Variants in HAPLN1 observed in about 807,000 individuals in gnomAD.
HAPLN1 encodes the protein Cartilage link protein.
In HAPLN1, 13 loss-of-function variants were observed where a neutral mutation model predicts 36.5. The ratio of observed to expected loss-of-function variants is 0.36; its 90% CI spans 0.23 to 0.57. The LOEUF is 0.57. Ranked by LOEUF, HAPLN1 falls within the 20% of genes least tolerant of loss-of-function variation. HAPLN1 has a pLI of 0.83. For missense variants in HAPLN1, 407 were observed against 439.7 expected (o/e 0.93, Z 0.66); for synonymous variants, 202 against 169.8 (o/e 1.19, Z -1.48).
At chr5:83,694,569 C>T (rs1439603370) in intron 1 of HAPLN1, among the ~76,000 whole-genome samples, 1 of 151,752 alleles carries the variant, frequency 6.6e-6, no homozygotes, top group African/African-American at 2.4e-5. Flanking sequence ...TAGATAATAT[C>T]TATCAATTCT....
intron 2 of HAPLN1, among the ~76,000 whole-genome samples, chr5:83,654,472 T>C (rs1676624074): frequency 6.6e-6 from 1 of 152,228 alleles, no homozygotes. Context: ...CCACAATGCC[T>C]GCATCCAACT....
At chr5:83,685,182 T>G (rs904444248) in intron 1 of HAPLN1, among the ~76,000 whole-genome samples, 4 of 152,156 alleles carry the variant, frequency 2.6e-5, no homozygotes, top group African/African-American at 9.7e-5. Flanking sequence ...TGGCATGGGA[T>G]TTGATAGCAG....
Position 83,641,242 on chromosome 5 carries a change from T to C in HAPLN1, c.*254A>G, listed in dbSNP as rs1749682190. 5.0e-6 allele frequency: 1 copy of C among 199,028 alleles called. No homozygotes were observed. Among genetic ancestry groups the C allele is most frequent in the Non-Finnish European group, 1.0e-5 (1 of 100,030 alleles). 12.3% of individuals were successfully genotyped at this position (199,028 alleles called of 1,614,324 possible). A position where few individuals can be genotyped will look rare whatever the true frequency, so the allele number is the denominator to read the frequency against. Reference sequence around the variant, plus strand: ...ATGAAAGGATACTTTGTTGGGATGATACAGCTTAAACAGTTTGGCTCTAAG... The same window carrying C: ...ATGAAAGGATACTTTGTTGGGATGACACAGCTTAAACAGTTTGGCTCTAAG... On this transcript the variant is annotated 3_prime_UTR_variant, in exon 5 of 5. Transcript: ENST00000274341.
chr5:83,669,865 C>A (rs897740875), intron 2 of HAPLN1, among the ~76,000 whole-genome samples: 1 of 152,118 alleles, frequency 6.6e-6, no homozygotes, highest in Non-Finnish European at 1.5e-5. Flanking sequence ...TCTGATTTTA[C>A]AGAGGGGTAA....
intron 4 of HAPLN1, among the ~76,000 whole-genome samples, chr5:83,643,535 T>A (rs867827011): frequency 4.6e-5 from 7 of 152,178 alleles, no homozygotes; most frequent in African/African-American, 1.7e-4. Flanking sequence ...TTTAGTTTAA[T>A]GTTCCGCTGT....
At chr5:83,657,049 A>C (rs1750237601) in intron 2 of HAPLN1, among the ~76,000 whole-genome samples, 1 of 152,154 alleles carries the variant, frequency 6.6e-6, no homozygotes, top group Non-Finnish European at 1.5e-5. Context: ...GGTGATAGAA[A>C]AAAGGAAAGG....
intron 1 of HAPLN1, among the ~76,000 whole-genome samples, chr5:83,688,440 A>G (rs1751188522): frequency 6.6e-6 from 1 of 152,114 alleles, no homozygotes; most frequent in East Asian, 1.9e-4. Flanking sequence ...GCATGAGCTG[A>G]CTGGCACAGT....
intron 1 of HAPLN1, among the ~76,000 whole-genome samples, chr5:83,685,699 T>C (rs191858086): frequency 3.3e-5 from 5 of 152,282 alleles, no homozygotes; most frequent in Admixed American, 6.5e-5. Flanking sequence ...AATAAGGAGA[T>C]TGGCGTTTCT....
intron 2 of HAPLN1, among the ~76,000 whole-genome samples, chr5:83,668,575 A>G (rs1750616623): frequency 6.6e-6 from 1 of 152,268 alleles, no homozygotes; most frequent in Non-Finnish European, 1.5e-5. Context: ...GCTAATGTTC[A>G]TTAAGTGCAC....
At chr5:83,686,809 T>A (rs1326636918) in intron 1 of HAPLN1, among the ~76,000 whole-genome samples, 1 of 152,124 alleles carries the variant, frequency 6.6e-6, no homozygotes, top group African/African-American at 2.4e-5. Context: ...GGGTGCAAAG[T>A]GACAGAAAAC....
chr5:83,663,504 A>G lies in HAPLN1; in HGVS notation c.100+9920T>C, dbSNP rs188823157. On this transcript the variant is annotated intron_variant, in intron 2 of 4. Transcript: ENST00000274341. ...CCCAGGTGATCTCATCTGGTCCCAT[A>G]GTTATAAATACCACTTATGTGCTGA... 2.6e-5 allele frequency among the ~76,000 whole-genome samples: 4 copies of G among 152,234 alleles called. No individual in the cohort carries two copies. In the East Asian group the frequency reaches 7.7e-4, roughly 29 times the overall value.
At chr5:83,666,947 C>G (rs1750567103) in intron 2 of HAPLN1, among the ~76,000 whole-genome samples, 1 of 152,208 alleles carries the variant, frequency 6.6e-6, no homozygotes, top group South Asian at 2.1e-4. Context: ...CATGGGCTAG[C>G]AATTATGCCT....
chr5:83,649,804 T>C (rs1196241109), intron 3 of HAPLN1, among the ~76,000 whole-genome samples: 1 of 152,222 alleles, frequency 6.6e-6, no homozygotes, highest in Non-Finnish European at 1.5e-5. Context: ...CACCCTTTTT[T>C]GTATTTGAAA....
At chr5:83,688,387 T>G (rs1226648906) in intron 1 of HAPLN1, among the ~76,000 whole-genome samples, 1 of 152,174 alleles carries the variant, frequency 6.6e-6, no homozygotes, top group Admixed American at 6.6e-5. Flanking sequence ...CTCTATTTAG[T>G]TCTCTTCACA....
rs1180344771 is a variant in HAPLN1 at position 83,638,044 on chromosome 5, A to G, written c.*3452T>C. On this transcript the variant is annotated 3_prime_UTR_variant, in exon 5 of 5. Coordinates refer to ENST00000274341, the MANE Select transcript of HAPLN1 (RefSeq NM_001884.4). ...TTTTTTTTTTTGACTTTGCAAGAGT[A>G]CTAGGAAATGAAAATTGTACGTATT... is the stretch of plus-strand genomic sequence containing the variant. The G allele has an allele frequency of 6.6e-6, 1 of 150,864 alleles. No homozygotes were observed. Among genetic ancestry groups the G allele is most frequent in the Non-Finnish European group, 1.5e-5 (1 of 67,718 alleles). The allele number at this position is 150,864 out of a possible 1,614,324, so 9.3% of individuals were successfully genotyped here.
intron 1 of HAPLN1, among the ~76,000 whole-genome samples, chr5:83,691,353 A>G (rs1751267433): frequency 6.6e-6 from 1 of 152,032 alleles, no homozygotes; most frequent in South Asian, 2.1e-4. Context: ...TGACCAGTGC[A>G]TATGTGTGAG....
At chr5:83,652,193 GA>G in intron 3 of HAPLN1, 1 of 411,436 alleles carries the variant, frequency 2.4e-6, no homozygotes. Context: ...GGCAGTATCT[GA>G]AAACTGTTAA....
intron 3 of HAPLN1, among the ~76,000 whole-genome samples, chr5:83,645,543 GTTC>G (rs531418055): frequency 3.9e-5 from 5 of 127,576 alleles, no homozygotes; most frequent in Non-Finnish European, 6.4e-5. Flanking sequence ...GCCCAAGACA[GTTC>G]TTCTTCCAAT....
chr5:83,660,510 A>G (rs928481638), intron 2 of HAPLN1, among the ~76,000 whole-genome samples: 3 of 152,146 alleles, frequency 2.0e-5, no homozygotes, highest in Non-Finnish European at 4.4e-5. Flanking sequence ...AAGGAGCTCT[A>G]GGAAGTCAAC....
Sources: allele counts gnomAD v4.1 joint callset (sites outside exome capture counted in the v4.1 genomes callset), GRCh38; gene constraint gnomAD v4.1.1; transcripts MANE v1.5; gene names NCBI Gene and HGNC (gene_info 2026-07-23, HGNC 2026-07-21).